Variants in CCSER1 observed in about 807,000 individuals in gnomAD.
CCSER1 encodes the protein coiled-coil serine rich protein 1, also known as serine-rich coiled-coil domain-containing protein 1.
Under a neutral mutation model 82.0 loss-of-function variants are expected in CCSER1, and 41 were observed. The observed-to-expected ratio is 0.50, with a 90% confidence interval of 0.39 to 0.65. The LOEUF is 0.65. Among genes scored for constraint, CCSER1 ranks in the 30% least tolerant of loss-of-function variants. The probability of loss-of-function intolerance (pLI) is 0.00; values close to 1 mark genes in which losing one functional copy is unlikely to be tolerated. For missense variants in CCSER1, 1,119 were observed against 1,064.2 expected, an observed-to-expected ratio of 1.05 and a Z score of -0.72; for synonymous variants, 414 against 383.9, an observed-to-expected ratio of 1.08 and a Z score of -0.92.
chr4:90,263,621 T>C (rs1272912037), intron 1 of CCSER1, among the ~76,000 whole-genome samples: 2 of 152,130 alleles, frequency 1.3e-5, no homozygotes, highest in Non-Finnish European at 2.9e-5. Flanking sequence ...AGAGATGCTG[T>C]AATGGCCCGA....
chr4:91,344,309 G>A (rs1052710022), intron 10 of CCSER1, among the ~76,000 whole-genome samples: 3 of 152,144 alleles, frequency 2.0e-5, no homozygotes, highest in African/African-American at 7.2e-5. Context: ...CCAGAACTGT[G>A]AGAAATTTTT....
chr4:90,520,512 C>G lies in CCSER1; in HGVS notation c.1724+52158C>G, dbSNP rs76032900. Reference sequence around the variant, plus strand: ...GTAGTTTCAGTTTCTTGTTGGCTTTCTTCACTAAATTCCAAGTTCCTTCAG... The same window carrying G: ...GTAGTTTCAGTTTCTTGTTGGCTTTGTTCACTAAATTCCAAGTTCCTTCAG... On this transcript the variant is annotated intron_variant, in intron 5 of 10. Coordinates refer to ENST00000509176, the MANE Select transcript of CCSER1 (RefSeq NM_001145065.2). Among the ~76,000 whole-genome samples the G allele has an allele frequency of 6.6e-3, 1,007 of 152,174 alleles. 6 individuals are homozygous for G. Among genetic ancestry groups the G allele is most frequent in the African/African-American group, 0.016 (680 of 41,532 alleles).
intron 10 of CCSER1, among the ~76,000 whole-genome samples, chr4:91,518,279 C>T (rs773007877): frequency 7.2e-5 from 11 of 152,126 alleles, no homozygotes; most frequent in Non-Finnish European, 1.5e-4. Flanking sequence ...TCAATTAGTG[C>T]TATTGGCTCA....
chr4:90,353,613 A>G (rs1743888321), intron 3 of CCSER1, among the ~76,000 whole-genome samples: 1 of 151,992 alleles, frequency 6.6e-6, no homozygotes, highest in Admixed American at 6.6e-5. Context: ...TCACCCAACA[A>G]AAGGTTGTGA....
intron 9 of CCSER1, among the ~76,000 whole-genome samples, chr4:91,055,258 A>G (rs1356918658): frequency 6.6e-6 from 1 of 152,208 alleles, no homozygotes; most frequent in Non-Finnish European, 1.5e-5. Flanking sequence ...GCAATCATAA[A>G]CAACTCTGCT....
At chr4:90,554,136 G>A (rs1579127228) in intron 5 of CCSER1, among the ~76,000 whole-genome samples, 1 of 152,160 alleles carries the variant, frequency 6.6e-6, no homozygotes, top group African/African-American at 2.4e-5. Flanking sequence ...AGAAGTGGGA[G>A]GATTATTGAG....
rs767316953 is a variant in CCSER1 at position 90,548,863 on chromosome 4, G to A, written c.1725-79162G>A. On this transcript the variant is annotated intron_variant, in intron 5 of 10. Transcript: ENST00000509176. ...AACTTCAGAATATCAAAGTTCAAAA[G>A]AATCGTTTGAAAGAGTGAGGGTAAG... Among the ~76,000 whole-genome samples, 6 of 151,644 alleles carry A rather than the reference G, an allele frequency of 4.0e-5. No homozygotes were observed. In the South Asian group the frequency reaches 1.3e-3, roughly 32 times the overall value.
intron 10 of CCSER1, among the ~76,000 whole-genome samples, chr4:91,566,793 G>A (rs1369810842): frequency 2.0e-5 from 3 of 151,980 alleles, no homozygotes; most frequent in African/African-American, 7.2e-5. Flanking sequence ...TTCTTTATTA[G>A]TATAGCTAGT....
At chr4:91,139,430 T>A (rs1230353698) in intron 10 of CCSER1, among the ~76,000 whole-genome samples, 1 of 152,042 alleles carries the variant, frequency 6.6e-6, no homozygotes, top group Non-Finnish European at 1.5e-5. Context: ...TATAAAAGAA[T>A]CATATTAGAA....
chr4:91,534,820 A>G (rs1761214771), intron 10 of CCSER1, among the ~76,000 whole-genome samples: 1 of 151,884 alleles, frequency 6.6e-6, no homozygotes, highest in Admixed American at 6.6e-5. Flanking sequence ...AGTTCAAGAA[A>G]ATGTGCTCAA....
intron 10 of CCSER1, among the ~76,000 whole-genome samples, chr4:91,356,154 AGTT>A (rs1468382797): frequency 6.6e-6 from 1 of 152,180 alleles, no homozygotes; most frequent in Non-Finnish European, 1.5e-5. Flanking sequence ...AACCCCTTCT[AGTT>A]GTTTTGAGAG....
intron 6 of CCSER1, among the ~76,000 whole-genome samples, chr4:90,671,575 A>G (rs978771090): frequency 6.6e-6 from 1 of 152,010 alleles, no homozygotes; most frequent in Non-Finnish European, 1.5e-5. Flanking sequence ...ATCTGCTGTT[A>G]CTTCCTCTCC....
chr4:90,985,126 A>G (rs1433537617), intron 9 of CCSER1, among the ~76,000 whole-genome samples: 1 of 151,780 alleles, frequency 6.6e-6, no homozygotes. Flanking sequence ...GAGTAATATA[A>G]CACCAAAAAA....
intron 6 of CCSER1, among the ~76,000 whole-genome samples, chr4:90,723,230 A>G (rs1742999848): frequency 6.6e-6 from 1 of 151,962 alleles, no homozygotes; most frequent in East Asian, 1.9e-4. Flanking sequence ...TAACTGATAT[A>G]TCTTTCTTAG....
intron 6 of CCSER1, chr4:90,649,449 C>T (rs888981780): frequency 1.3e-5 from 2 of 151,992 alleles, no homozygotes; most frequent in African/African-American, 2.4e-5. Flanking sequence ...AGGTCACAAT[C>T]GTGGGGCCCT....
intron 10 of CCSER1, among the ~76,000 whole-genome samples, chr4:91,314,438 T>C (rs951502868): frequency 6.6e-6 from 1 of 151,992 alleles, no homozygotes; most frequent in South Asian, 2.1e-4. Context: ...AAACTATATG[T>C]CATAATTTTA....
chr4:90,403,903 A>C, intron 4 of CCSER1: 1 of 152,190 alleles, frequency 6.6e-6, no homozygotes, highest in East Asian at 1.9e-4. Context: ...GGAGACTCAC[A>C]TCATGAACTT....
chr4:91,242,147 A>G (rs73836889), intron 10 of CCSER1, among the ~76,000 whole-genome samples: 4,366 of 150,304 alleles, frequency 0.029, 207 homozygotes, highest in African/African-American at 0.1. Context: ...AGATATTTGG[A>G]AAAAAAAAGG....
At chr4:90,267,204 G>C (rs974664352) in intron 1 of CCSER1, among the ~76,000 whole-genome samples, 3 of 151,294 alleles carry the variant, frequency 2.0e-5, no homozygotes, top group Non-Finnish European at 2.9e-5. Context: ...GTGGTACCCT[G>C]GCAGTACATT....
Sources: allele counts gnomAD v4.1 joint callset (sites outside exome capture counted in the v4.1 genomes callset), GRCh38; gene constraint gnomAD v4.1.1; transcripts MANE v1.5; gene names NCBI Gene and HGNC (gene_info 2026-07-23, HGNC 2026-07-21).